The following STX18 variants were observed in gnomAD, a reference collection of about 807,000 sequenced individuals.
The protein encoded by STX18 is syntaxin 18.
STX18 carries 40 observed loss-of-function variants against 50.1 expected under a neutral mutation model. The observed-to-expected ratio is 0.80, with a 90% CI of 0.62 to 1.04. The LOEUF (loss-of-function observed/expected upper bound fraction) is 1.04, where lower values mean the gene tolerates loss of function less well. Ranked by LOEUF, STX18 falls within the 50% of genes least tolerant of loss-of-function variation. The pLI, the probability that STX18 is intolerant of heterozygous loss-of-function variation, is 0.00. For synonymous variants in STX18, 158 were observed against 151.8 expected (o/e 1.04, Z -0.30); for missense variants, 410 against 415.8 (o/e 0.99, Z 0.12).
chr4:4,511,754 GTGTGTGTA>G lies in STX18; in HGVS notation c.168+30035_168+30042del, dbSNP rs1174582753. 8.0e-3 allele frequency among the ~76,000 whole-genome samples: 1,147 copies of G among 143,838 alleles called. 14 individuals are homozygous for G. The highest frequency in any genetic ancestry group is 0.028 in the African/African-American group (987 of 35,456). The allele number at this position is 143,838 out of a possible 152,430, so 94.4% of individuals were successfully genotyped here. A position where few individuals can be genotyped will look rare whatever the true frequency, so the allele number is the denominator to read the frequency against. ...TGTGTGTGTGTGTGTGTGTGTGTGTGTGTGTGTATGCCCCTAGGTTAAGGTCCTCTTAA... is the reference window on the plus strand; with the variant it reads ...TGTGTGTGTGTGTGTGTGTGTGTGTGTGCCCCTAGGTTAAGGTCCTCTTAA... On this transcript the variant is annotated intron_variant, in intron 1 of 10. Coordinates refer to ENST00000306200, the MANE Select transcript of STX18 (RefSeq NM_016930.4).
intron 6 of STX18, 81 bp from the exon 7 acceptor site, chr4:4,434,939 CAA>C (rs1577318660): frequency 4.2e-6 from 4 of 941,420 alleles, no homozygotes; most frequent in East Asian, 2.6e-5. Context: ...ATAACACAAA[CAA>C]GAGATTAAAC....
chr4:4,506,881 C>T (rs1729733472), intron 1 of STX18, among the ~76,000 whole-genome samples: 1 of 152,164 alleles, frequency 6.6e-6, no homozygotes, highest in South Asian at 2.1e-4. Flanking sequence ...AAATTCGAAC[C>T]ACAGTTGACC....
chr4:4,423,629 G>C, intron 8 of STX18, 42 bp from the exon 9 acceptor site: 1 of 1,585,784 alleles, frequency 6.3e-7, no homozygotes, highest in Non-Finnish European at 8.7e-7. Context: ...ATTAGCACTT[G>C]GTAATCTAAC....
intron 2 of STX18, among the ~76,000 whole-genome samples, chr4:4,463,282 G>A (rs1727474154): frequency 1.3e-5 from 2 of 152,212 alleles, no homozygotes; most frequent in African/African-American, 2.4e-5. Context: ...ACAAATGAAC[G>A]TGGCTGTGTG....
At chr4:4,429,408 T>C (rs1277265740) in intron 7 of STX18, among the ~76,000 whole-genome samples, 1 of 152,232 alleles carries the variant, frequency 6.6e-6, no homozygotes, top group Non-Finnish European at 1.5e-5. Context: ...CTCTTTACTA[T>C]AATTTTCAAA....
chr4:4,451,791 A>G lies in STX18; in HGVS notation c.497+5400T>C, dbSNP rs2108808472. On this transcript the variant is annotated intron_variant, in intron 5 of 10. Coordinates refer to ENST00000306200, the MANE Select transcript of STX18 (RefSeq NM_016930.4). ...TCTCCTCGGGCCGTCCTATTCCTAG[A>G]GACATAACACAGGCCAATGAATAAC... 2.0e-5 allele frequency among the ~76,000 whole-genome samples: 3 copies of G among 152,268 alleles called. No individual in the cohort carries two copies. In the Middle Eastern group the frequency reaches 0.01, roughly 518 times the overall value.
At chr4:4,496,700 T>C (rs934765848) in intron 1 of STX18, among the ~76,000 whole-genome samples, 3 of 152,194 alleles carry the variant, frequency 2.0e-5, no homozygotes, top group African/African-American at 7.2e-5. Flanking sequence ...GGTAGAAAGG[T>C]TGACATCTTC....
chr4:4,447,356 G>A (rs1377141163), intron 5 of STX18, among the ~76,000 whole-genome samples: 7 of 151,910 alleles, frequency 4.6e-5, no homozygotes, highest in Non-Finnish European at 7.4e-5. Flanking sequence ...TTGCGAGGCC[G>A]AGGCGGGCGG....
chr4:4,490,058 A>C (rs1728875335), intron 1 of STX18, among the ~76,000 whole-genome samples: 1 of 152,238 alleles, frequency 6.6e-6, no homozygotes, highest in Non-Finnish European at 1.5e-5. Flanking sequence ...TATTGCAATG[A>C]ATTTCACTCA....
chr4:4,517,767 GT>G lies in STX18; in HGVS notation c.168+24029del, dbSNP rs921673854. Among the ~76,000 whole-genome samples the G allele has an allele frequency of 1.3e-3, 193 of 146,946 alleles. No individual in the cohort carries two copies. In the East Asian group the frequency reaches 0.014, roughly 11 times the overall value. On this transcript the variant is annotated intron_variant, in intron 1 of 10. Coordinates refer to ENST00000306200, the MANE Select transcript of STX18 (RefSeq NM_016930.4). Reference sequence around the variant, plus strand: ...AGCAATCATCATTCCCTTTATAAGTGTTTTTTTTTTCTTTATTTTTTTTTTT... The same window carrying G: ...AGCAATCATCATTCCCTTTATAAGTGTTTTTTTTTCTTTATTTTTTTTTTT...
intron 1 of STX18, among the ~76,000 whole-genome samples, chr4:4,513,338 A>G (rs764911333): frequency 3.4e-5 from 5 of 146,902 alleles, no homozygotes; most frequent in African/African-American, 5.3e-5. Flanking sequence ...TTCCAGTAGA[A>G]GTAGACTCAA....
At chr4:4,423,970 G>T in intron 8 of STX18, 1 of 243,398 alleles carries the variant, frequency 4.1e-6, no homozygotes, top group Non-Finnish European at 7.8e-6. Flanking sequence ...TCATCACCAT[G>T]GTAACACATG....
chr4:4,434,806 T>C lies in STX18; in HGVS notation c.666A>G (p.Lys222=), dbSNP rs773186702. The change falls in exon 7 of 11, where the codon AAA becomes AAG. Residue 222 remains lysine, a synonymous_variant. Coordinates refer to ENST00000306200, the MANE Select transcript of STX18 (RefSeq NM_016930.4). ...QPELGTWGDG[K]GEDELSPEEI... is the part of the protein sequence containing the mutation. ...CTTCTGGGGATAACTCATCTTCGCC[T>C]TTGCCATCTCCCCACGTTCCCAATT... The C allele has an allele frequency of 6.2e-7, 1 of 1,607,342 alleles. No individual in the cohort carries two copies. The highest frequency in any genetic ancestry group is 8.5e-7 in the Non-Finnish European group (1 of 1,178,264).
intron 1 of STX18, among the ~76,000 whole-genome samples, chr4:4,503,478 A>C (rs1729554832): frequency 6.6e-6 from 1 of 152,180 alleles, no homozygotes; most frequent in Non-Finnish European, 1.5e-5. Context: ...AGAGACTTTC[A>C]GTCTTCACTG....
At chr4:4,488,896 C>A (rs1299043648) in intron 1 of STX18, among the ~76,000 whole-genome samples, 4 of 152,162 alleles carry the variant, frequency 2.6e-5, no homozygotes, top group African/African-American at 9.7e-5. Flanking sequence ...TGCTTCACAT[C>A]AGCAAAGAGA....
chr4:4,542,317 T>C (rs1466308917), upstream of STX18: 4 of 198,214 alleles, frequency 2.0e-5, no homozygotes, highest in Non-Finnish European at 4.1e-5. Context: ...AGGAGGCTCC[T>C]TCCCTTCTGG....
At chr4:4,499,116 G>A (rs1249863088) in intron 1 of STX18, among the ~76,000 whole-genome samples, 1 of 152,174 alleles carries the variant, frequency 6.6e-6, no homozygotes, top group Non-Finnish European at 1.5e-5. Context: ...TTATCCTAGT[G>A]CCTAACAAAC....
intron 1 of STX18, among the ~76,000 whole-genome samples, chr4:4,531,547 G>A (rs919850362): frequency 6.6e-6 from 1 of 152,120 alleles, no homozygotes; most frequent in Non-Finnish European, 1.5e-5. Flanking sequence ...TCTGTAATCA[G>A]GCCACAGCAC....
chr4:4,539,573 A>C (rs1262218876), intron 1 of STX18, among the ~76,000 whole-genome samples: 14 of 152,252 alleles, frequency 9.2e-5, no homozygotes, highest in Admixed American at 9.2e-4. Flanking sequence ...AGTGTCCCTG[A>C]ACAACACAGC....
Sources: allele counts gnomAD v4.1 joint callset (sites outside exome capture counted in the v4.1 genomes callset), GRCh38; gene constraint gnomAD v4.1.1; transcripts MANE v1.5; gene names NCBI Gene and HGNC (gene_info 2026-07-23, HGNC 2026-07-21).